The following PCDH9 variants were observed in gnomAD, a reference collection of about 807,000 sequenced individuals.
PCDH9 encodes the protein protocadherin-9.
PCDH9 carries 24 observed loss-of-function variants against 70.6 expected under a neutral mutation model. The ratio of observed to expected loss-of-function variants is 0.34; its 90% CI spans 0.25 to 0.48. The LOEUF (loss-of-function observed/expected upper bound fraction) is 0.48, where lower values mean the gene tolerates loss of function less well. Ranked by LOEUF, PCDH9 falls within the 20% of genes least tolerant of loss-of-function variation. The pLI is 0.99. For missense variants in PCDH9, 1,281 were observed against 1,503.6 expected, an observed-to-expected ratio of 0.85 and a Z score of 2.45; for synonymous variants, 562 against 558.5, an observed-to-expected ratio of 1.01 and a Z score of -0.09.
chr13:67,206,251 T>G (rs563667544), intron 2 of PCDH9: 1 of 152,448 alleles, frequency 6.6e-6, no homozygotes, highest in African/African-American at 2.4e-5. Flanking sequence ...CTGCAAGCTC[T>G]GCCTCCTGGA....
chr13:66,973,560 G>A (rs970924819), intron 2 of PCDH9, among the ~76,000 whole-genome samples: 1 of 151,870 alleles, frequency 6.6e-6, no homozygotes, highest in African/African-American at 2.4e-5. Flanking sequence ...TCATGTACAT[G>A]AATCAGTTTA....
chr13:66,426,782 T>C (rs1957677966), intron 4 of PCDH9, among the ~76,000 whole-genome samples: 1 of 151,630 alleles, frequency 6.6e-6, no homozygotes, highest in Admixed American at 6.6e-5. Context: ...TAATAACTCC[T>C]TTAATATTTA....
At chr13:66,359,488 T>A (rs1425614665) in intron 4 of PCDH9, among the ~76,000 whole-genome samples, 1 of 151,868 alleles carries the variant, frequency 6.6e-6, no homozygotes, top group Non-Finnish European at 1.5e-5. Flanking sequence ...GGGAAAAAAA[T>A]TCAGAATGTT....
At chr13:66,601,889 A>G (rs1420442271) in intron 4 of PCDH9, among the ~76,000 whole-genome samples, 1 of 146,506 alleles carries the variant, frequency 6.8e-6, no homozygotes, top group East Asian at 1.9e-4. Flanking sequence ...ATATAAAAGT[A>G]TGGCACATAT....
chr13:66,576,490 G>T (rs1322868121), intron 4 of PCDH9, among the ~76,000 whole-genome samples: 1 of 152,038 alleles, frequency 6.6e-6, no homozygotes, highest in Non-Finnish European at 1.5e-5. Context: ...AACCTTGGTA[G>T]ATCATTAAAT....
intron 4 of PCDH9, among the ~76,000 whole-genome samples, chr13:66,618,131 C>T (rs2077381219): frequency 6.6e-6 from 1 of 152,086 alleles, no homozygotes; most frequent in African/African-American, 2.4e-5. Flanking sequence ...AGTGAGAGTC[C>T]CTGTTTCCCC....
chr13:66,970,431 C>T (rs975672248), intron 2 of PCDH9, among the ~76,000 whole-genome samples: 2 of 151,320 alleles, frequency 1.3e-5, no homozygotes, highest in African/African-American at 4.9e-5. Context: ...GAGTTCAAGA[C>T]CAGCATAGGT....
intron 4 of PCDH9, among the ~76,000 whole-genome samples, chr13:66,453,479 C>T (rs1958256030): frequency 6.6e-6 from 1 of 151,922 alleles, no homozygotes; most frequent in South Asian, 2.1e-4. Flanking sequence ...TATAATCTAT[C>T]CCCAGGAAAT....
intron 2 of PCDH9, among the ~76,000 whole-genome samples, chr13:67,129,849 C>G (rs1003860903): frequency 6.6e-6 from 1 of 151,764 alleles, no homozygotes; most frequent in African/African-American, 2.4e-5. Flanking sequence ...CCTATTAAAG[C>G]CTTTTGCAAT....
chr13:66,391,323 T>C lies in PCDH9; in HGVS notation c.3341-86295A>G, dbSNP rs1957013857. 2.6e-5 allele frequency among the ~76,000 whole-genome samples: 4 copies of C among 152,204 alleles called. No homozygotes were observed. The South Asian group carries it at 8.3e-4, about 31-fold the overall frequency. ...TATGCAATTACAAATATATTCTTCA[T>C]GTGGATGTCTTGAATGTTCCTAATG... On this transcript the variant is annotated intron_variant, in intron 4 of 4. Coordinates refer to ENST00000377865, the MANE Select transcript of PCDH9 (RefSeq NM_203487.3).
chr13:66,309,236 A>G (rs530367796), intron 4 of PCDH9, among the ~76,000 whole-genome samples: 1 of 152,218 alleles, frequency 6.6e-6, no homozygotes, highest in Non-Finnish European at 1.5e-5. Flanking sequence ...GAGTTTTATC[A>G]TGGGAAAATA....
chr13:66,529,821 A>G (rs1453742939), intron 4 of PCDH9, among the ~76,000 whole-genome samples: 3 of 151,830 alleles, frequency 2.0e-5, no homozygotes, highest in Non-Finnish European at 4.4e-5. Flanking sequence ...ATACAGATCA[A>G]TATCACATGA....
At chr13:66,937,338 C>T (rs1394911796) in intron 2 of PCDH9, among the ~76,000 whole-genome samples, 4 of 152,198 alleles carry the variant, frequency 2.6e-5, no homozygotes, top group Non-Finnish European at 5.9e-5. Context: ...AATTCTAACT[C>T]TAAACCGCCT....
At chr13:66,507,724 T>G (rs1296125697) in intron 4 of PCDH9, among the ~76,000 whole-genome samples, 1 of 151,108 alleles carries the variant, frequency 6.6e-6, no homozygotes, top group East Asian at 1.9e-4. Flanking sequence ...GTTTGTTTGT[T>G]TGTTTGTTTG....
chr13:66,355,756 G>A (rs1252304257), intron 4 of PCDH9, among the ~76,000 whole-genome samples: 3 of 152,108 alleles, frequency 2.0e-5, no homozygotes, highest in Non-Finnish European at 2.9e-5. Context: ...AGGCTCACAG[G>A]GGCCTAACTT....
intron 2 of PCDH9, 21 bp from the exon 3 acceptor site, chr13:66,903,626 A>C (rs2082312872): frequency 1.9e-6 from 2 of 1,049,696 alleles, no homozygotes; most frequent in Non-Finnish European, 3.0e-6. Flanking sequence ...TTACCAAATA[A>C]TTGTGACAAA....
intron 2 of PCDH9, among the ~76,000 whole-genome samples, chr13:67,003,271 A>AAG (rs2084281611): frequency 6.6e-6 from 1 of 152,162 alleles, no homozygotes; most frequent in South Asian, 2.1e-4. Flanking sequence ...TTTACAAATA[A>AAG]CTTCCTTGCA....
chr13:66,974,735 T>C (rs987449154), intron 2 of PCDH9, among the ~76,000 whole-genome samples: 12 of 152,060 alleles, frequency 7.9e-5, no homozygotes, highest in African/African-American at 2.7e-4. Context: ...TAGAAACAAA[T>C]CCCATTCATA....
chr13:67,083,334 G>C (rs879874823), intron 2 of PCDH9, among the ~76,000 whole-genome samples: 1 of 152,138 alleles, frequency 6.6e-6, no homozygotes, highest in Admixed American at 6.5e-5. Context: ...TACATTTGGT[G>C]ATGTCTACTG....
Sources: gnomAD v4.1 joint callset for allele counts (sites outside exome capture counted in the v4.1 genomes callset) on GRCh38, gnomAD v4.1.1 for gene constraint, MANE v1.5 for transcripts, NCBI Gene and HGNC (gene_info 2026-07-23, HGNC 2026-07-21) for gene names.